Variants in SUGCT observed in about 807,000 individuals in gnomAD.
SUGCT encodes the protein succinyl-CoA:glutarate-CoA transferase.
Under a neutral mutation model 55.0 loss-of-function variants are expected in SUGCT, and 41 were observed. The ratio of observed to expected loss-of-function variants is 0.74; its 90% CI spans 0.58 to 0.97. The LOEUF is 0.97. SUGCT is among the 50% of genes least tolerant of loss of function. SUGCT has a pLI of 0.00. For synonymous variants in SUGCT, 187 were observed against 200.4 expected, an observed-to-expected ratio of 0.93 and a Z score of 0.56; for missense variants, 568 against 547.8, an observed-to-expected ratio of 1.04 and a Z score of -0.37.
chr7:40,892,636 C>G, the SUGCT span, among the ~76,000 whole-genome samples: 1 of 152,056 alleles, frequency 6.6e-6, no homozygotes, highest in South Asian at 2.1e-4. Context: ...TGGGTTCAAG[C>G]AATCCTCCCT....
At chr7:41,000,576 A>G in the SUGCT span, among the ~76,000 whole-genome samples, 3,202 of 152,030 alleles carry the variant, frequency 0.021, 107 homozygotes, top group African/African-American at 0.073. Context: ...TAAAGATGCT[A>G]TATTGTGTTT....
At position 40,237,752 on chromosome 7, in the gene SUGCT, A is replaced by G. The variant is rs563900435; in HGVS notation, c.576+26A>G. 1.5e-4 allele frequency: 242 copies of G among 1,584,008 alleles called. 1 individual carries two copies. In the East Asian group the frequency reaches 3.5e-3, roughly 23 times the overall value. ...GTAGGTATCCTTCCTTAGAATATTC[A>G]TAATTTCTTCCCTTACATATTCCAA... On this transcript the variant is annotated intron_variant, in intron 7 of 13. Coordinates refer to ENST00000335693, the MANE Select transcript of SUGCT (RefSeq NM_001193313.2).
rs1793265921 is a variant in SUGCT, at chr7:40,516,908, TTCGTTCATACTGATG to T, written c.1089+20525_1089+20539del. ...TAGGAATTGCATTGAATATGCAATTTTCGTTCATACTGATGTCTTGTCAATATTAATTAAGTCTTC... is the reference window on the plus strand; with the variant it reads ...TAGGAATTGCATTGAATATGCAATTTTCTTGTCAATATTAATTAAGTCTTC... On this transcript the variant is annotated intron_variant, in intron 12 of 13. Coordinates refer to ENST00000335693, the MANE Select transcript of SUGCT (RefSeq NM_001193313.2). 4.6e-5 allele frequency among the ~76,000 whole-genome samples: 7 copies of T among 152,236 alleles called. No individual in the cohort carries two copies. The South Asian group carries it at 1.5e-3, about 32-fold the overall frequency.
chr7:40,852,183 C>G (rs1793885475), intron 13 of SUGCT, among the ~76,000 whole-genome samples: 1 of 152,186 alleles, frequency 6.6e-6, no homozygotes, highest in Non-Finnish European at 1.5e-5. Flanking sequence ...TTCAATCTTC[C>G]CTATCTGGTA....
At chr7:40,467,063 A>G (rs540822085) in intron 11 of SUGCT, among the ~76,000 whole-genome samples, 24 of 152,188 alleles carry the variant, frequency 1.6e-4, no homozygotes, top group Non-Finnish European at 2.2e-4. Flanking sequence ...CTAGCTGGGC[A>G]TGGTGGTGCA....
At chr7:40,663,947 A>G (rs1249435849) in intron 12 of SUGCT, among the ~76,000 whole-genome samples, 1 of 152,176 alleles carries the variant, frequency 6.6e-6, no homozygotes, top group African/African-American at 2.4e-5. Flanking sequence ...TTACAGGGGT[A>G]ATCAAGTTAA....
rs573690993 is a variant in SUGCT, at chr7:40,768,581, G to T, written c.1153+19084G>T. Among the ~76,000 whole-genome samples, 11 of 152,108 alleles carry T rather than the reference G, an allele frequency of 7.2e-5. No individual in the cohort carries two copies. In the East Asian group the frequency reaches 2.1e-3, roughly 29 times the overall value. On this transcript the variant is annotated intron_variant, in intron 13 of 13. Coordinates refer to ENST00000335693, the MANE Select transcript of SUGCT (RefSeq NM_001193313.2). ...TATGACCATTTCTAGGTAGAATTAT[G>T]TTCAACATGACCAATAGCAAACGTT...
At chr7:40,875,417 C>T in the SUGCT span, among the ~76,000 whole-genome samples, 90 of 152,282 alleles carry the variant, frequency 5.9e-4, no homozygotes, top group African/African-American at 2.0e-3. Flanking sequence ...AAACAGCACC[C>T]AGTTGTTCAG....
intron 13 of SUGCT, among the ~76,000 whole-genome samples, chr7:40,850,522 C>A (rs1213994479): frequency 6.6e-6 from 1 of 152,124 alleles, no homozygotes; most frequent in East Asian, 1.9e-4. Flanking sequence ...TGGTACACGT[C>A]CTGATGCTGT....
chr7:40,464,231 T>C (rs533517121), intron 11 of SUGCT, among the ~76,000 whole-genome samples: 1 of 152,350 alleles, frequency 6.6e-6, no homozygotes, highest in South Asian at 2.1e-4. Context: ...ACCATTGTCC[T>C]GCAGATACAG....
chr7:40,627,149 G>A (rs1799563046), intron 12 of SUGCT, among the ~76,000 whole-genome samples: 1 of 152,160 alleles, frequency 6.6e-6, no homozygotes, highest in African/African-American at 2.4e-5. Context: ...ACTGGTGGAA[G>A]GTGTCCAGAT....
At chr7:40,437,057 AT>A (rs1215338913) in intron 9 of SUGCT, among the ~76,000 whole-genome samples, 2 of 152,200 alleles carry the variant, frequency 1.3e-5, no homozygotes, top group African/African-American at 4.8e-5. Context: ...ACTCTGTGTC[AT>A]TTTACCTTGT....
intron 6 of SUGCT, among the ~76,000 whole-genome samples, chr7:40,225,434 G>T (rs1584390399): frequency 6.9e-6 from 1 of 144,512 alleles, no homozygotes; most frequent in African/African-American, 2.6e-5. Context: ...AATAATATAT[G>T]ATTTTTTTTT....
At chr7:40,579,930 C>G (rs1796984917) in intron 12 of SUGCT, among the ~76,000 whole-genome samples, 1 of 152,116 alleles carries the variant, frequency 6.6e-6, no homozygotes, top group South Asian at 2.1e-4. Flanking sequence ...AATAATTCAC[C>G]TATCAGGTCA....
At chr7:40,618,323 A>G (rs1799106911) in intron 12 of SUGCT, among the ~76,000 whole-genome samples, 1 of 152,198 alleles carries the variant, frequency 6.6e-6, no homozygotes, top group South Asian at 2.1e-4. Flanking sequence ...TCTTGAAACT[A>G]CAGTTGACTG....
At chr7:40,683,934 G>A (rs1290798434) in intron 12 of SUGCT, 3 of 1,405,980 alleles carry the variant, frequency 2.1e-6, no homozygotes, top group Non-Finnish European at 2.9e-6. Context: ...GCTGGCAGAT[G>A]TATTCCTTTC....
At chr7:40,510,537 C>T (rs768011039) in intron 12 of SUGCT, among the ~76,000 whole-genome samples, 1 of 152,072 alleles carries the variant, frequency 6.6e-6, no homozygotes, top group Admixed American at 6.5e-5. Context: ...ACTAAATAAT[C>T]TGTCCCATAC....
chr7:40,391,546 C>T (rs552394040), intron 9 of SUGCT, among the ~76,000 whole-genome samples: 1 of 152,208 alleles, frequency 6.6e-6, no homozygotes, highest in Non-Finnish European at 1.5e-5. Flanking sequence ...CTCAGCATCA[C>T]TGGTCATCAG....
chr7:40,155,301 G>C (rs1199116732), intron 1 of SUGCT, among the ~76,000 whole-genome samples: 1 of 149,478 alleles, frequency 6.7e-6, no homozygotes, highest in Admixed American at 6.7e-5. Flanking sequence ...AAAAAAAATA[G>C]CAGACACATT....
Sources: allele counts gnomAD v4.1 joint callset (sites outside exome capture counted in the v4.1 genomes callset), GRCh38; gene constraint gnomAD v4.1.1; transcripts MANE v1.5; gene names NCBI Gene and HGNC (gene_info 2026-07-23, HGNC 2026-07-21).